USP42: variants seen among roughly 807,000 people sequenced by gnomAD.
The protein encoded by USP42 is ubiquitin specific peptidase 42.
In USP42, 23 loss-of-function variants were observed where a neutral mutation model predicts 113.0. That is an observed-to-expected ratio of 0.20 (90% CI 0.15 to 0.29). The LOEUF (loss-of-function observed/expected upper bound fraction) is 0.29, where lower values mean the gene tolerates loss of function less well. Ranked by LOEUF, USP42 falls within the 10% of genes least tolerant of loss-of-function variation. The pLI is 1.00. For synonymous variants in USP42, 933 were observed against 699.0 expected (o/e 1.33, Z -5.28); for missense variants, 2,174 against 1,779.8 (o/e 1.22, Z -3.99).
intron 3 of USP42, among the ~76,000 whole-genome samples, chr7:6,124,606 C>T (rs2128489705): frequency 6.6e-6 from 1 of 152,232 alleles, no homozygotes; most frequent in South Asian, 2.1e-4. Flanking sequence ...TTTGATCTTG[C>T]TTTTTATCCA....
the USP42 span, among the ~76,000 whole-genome samples, chr7:6,099,060 A>T: frequency 2.9e-4 from 44 of 149,728 alleles, no homozygotes. Context: ...ACCTTTTCTA[A>T]TGTTCTGCTC....
intron 3 of USP42, among the ~76,000 whole-genome samples, chr7:6,125,746 CCTTA>C (rs945792170): frequency 1.3e-4 from 20 of 150,826 alleles, no homozygotes; most frequent in East Asian, 1.9e-4. Context: ...TGGTATTTTT[CCTTA>C]CTTTTGTTTT....
At chr7:6,118,979 C>G (rs926516218) in intron 3 of USP42, among the ~76,000 whole-genome samples, 19 of 151,826 alleles carry the variant, frequency 1.3e-4, no homozygotes, top group African/African-American at 4.6e-4. Context: ...TTTTGGGAGG[C>G]TGAGGCAGGA....
At position 6,150,035 on chromosome 7, in the gene USP42, G is replaced by A. The variant is rs1781948617; in HGVS notation, c.1839G>A (p.Glu613=). The A allele has an allele frequency of 2.5e-6, 4 of 1,611,620 alleles. No homozygotes were observed. Among genetic ancestry groups the A allele is most frequent in the African/African-American group, 2.7e-5 (2 of 75,010 alleles). ...VLVPYGAESS[E]DSDEESKGLG... ...TGCCCTATGGCGCCGAGTCCTCTGA[G>A]GACTCTGACGAGGAGTCAAAGGGGC... Residue 613 remains glutamate (E), a synonymous_variant, in exon 13 of 18, where the codon GAG becomes GAA. Coordinates refer to ENST00000306177, the MANE Select transcript of USP42 (RefSeq NM_032172.3).
chr7:6,109,848 G>C (rs1173174567), intron 1 of USP42, among the ~76,000 whole-genome samples: 1 of 151,750 alleles, frequency 6.6e-6, no homozygotes, highest in Non-Finnish European at 1.5e-5. Context: ...TTACAGGTAC[G>C]TGCCACCACG....
chr7:6,159,205 C>T lies in USP42; in HGVS notation c.3944-245C>T, dbSNP rs79774780. Among the ~76,000 whole-genome samples the T allele has an allele frequency of 1.3e-5, 2 of 152,318 alleles. No homozygotes were observed. Among genetic ancestry groups the T allele is most frequent in the African/African-American group, 4.8e-5 (2 of 41,576 alleles). ...TTCTTGGGCCTGATATCTGTTCTAA[C>T]ATCAGGCTGCGTGTGGGTTGGATGG... is the stretch of plus-strand genomic sequence containing the variant. On this transcript the variant is annotated intron_variant, in intron 16 of 17. Coordinates refer to ENST00000306177, the MANE Select transcript of USP42 (RefSeq NM_032172.3). The surrounding 1 kb of genome is among the most constrained non-coding windows in gnomAD (Gnocchi z 4.1).
At chr7:6,128,828 T>G (rs1373165605) in intron 3 of USP42, among the ~76,000 whole-genome samples, 2 of 134,458 alleles carry the variant, frequency 1.5e-5, no homozygotes, top group South Asian at 2.3e-4. Flanking sequence ...CTTTCTTTTT[T>G]GGGGGTGGGT....
At chr7:6,082,195 C>T in the USP42 span, among the ~76,000 whole-genome samples, 6 of 151,126 alleles carry the variant, frequency 4.0e-5, no homozygotes, top group African/African-American at 9.8e-5. Flanking sequence ...GTGGCGCGAT[C>T]TCGGCTCACT....
intron 3 of USP42, among the ~76,000 whole-genome samples, chr7:6,132,184 C>T (rs1028363842): frequency 4.6e-5 from 7 of 151,936 alleles, no homozygotes; most frequent in Admixed American, 3.3e-4. Context: ...CCTTGGCTTC[C>T]CAAAGTGCTG....
chr7:6,153,787 G>A lies in USP42; in HGVS notation c.2233G>A (p.Asp745Asn). The change falls in exon 15 of 18, where the codon GAC becomes AAC. Residue 745 changes from aspartate to asparagine, a missense_variant. By Grantham distance (23) the Asp-to-Asn change is conservative. Coordinates refer to ENST00000306177, the MANE Select transcript of USP42 (RefSeq NM_032172.3). ...APGAERGPPE[D>N]RDAEPQPGSP... ...TGGAGCAGAGAGGGGCCCTCCCGAG[G>A]ACCGCGACGCCGAGCCTCAGCCTGG... The A allele has an allele frequency of 6.7e-7, 1 of 1,495,698 alleles. No individual in the cohort carries two copies. The highest frequency in any genetic ancestry group is 8.9e-7 in the Non-Finnish European group (1 of 1,121,484). The allele number at this position is 1,495,698 out of a possible 1,614,324, so 92.7% of individuals were successfully genotyped here. A position where few individuals can be genotyped will look rare whatever the true frequency, so the allele number is the denominator to read the frequency against.
rs1360220517 is a variant in USP42 at position 6,140,303 on chromosome 7, C to T, written c.724+108C>T. On this transcript the variant is annotated intron_variant, in intron 6 of 17. Coordinates refer to ENST00000306177, the MANE Select transcript of USP42 (RefSeq NM_032172.3). Reference sequence around the variant, plus strand: ...AGGAAGGAAGGAAAAGTGCTTCTCTCCAGCCCAGATTCTCATTCCTTTTAC... The same window carrying T: ...AGGAAGGAAGGAAAAGTGCTTCTCTTCAGCCCAGATTCTCATTCCTTTTAC... 3 of 993,128 alleles carry T rather than the reference C, an allele frequency of 3.0e-6. No individual in the cohort carries two copies. The African/African-American group carries it at 4.9e-5, about 16-fold the overall frequency. The allele number at this position is 993,128 out of a possible 1,614,324, so 61.5% of individuals were successfully genotyped here. A position where few individuals can be genotyped will look rare whatever the true frequency, so the allele number is the denominator to read the frequency against.
the USP42 span, among the ~76,000 whole-genome samples, chr7:6,092,097 C>CTCT: frequency 1.1e-4 from 4 of 36,712 alleles, no homozygotes; most frequent in African/African-American, 3.2e-4. Context: ...CTTCTTCTTC[C>CTCT]TCCTCTTCTT....
chr7:6,085,807 A>G, the USP42 span, among the ~76,000 whole-genome samples: 1 of 149,718 alleles, frequency 6.7e-6, no homozygotes, highest in Non-Finnish European at 1.5e-5. Context: ...TAGAGACGGG[A>G]TCTCACCATG....
rs1782653881 is a variant in USP42 at position 6,159,544 on chromosome 7, G to C, written c.*36+51G>C. ...TCATTGTTTGTGGTGGCGCTGAGGG[G>C]ACGCAGGCAGAGGAGTTTTAATTCT... On this transcript the variant is annotated intron_variant, in intron 17 of 17. Coordinates refer to ENST00000306177, the MANE Select transcript of USP42 (RefSeq NM_032172.3). This position sits in a 1 kb window ranked among gnomAD's most constrained non-coding sequence, Gnocchi z 4.1. 6.4e-7 allele frequency: 1 copy of C among 1,551,866 alleles called. No homozygotes were observed. Among genetic ancestry groups the C allele is most frequent in the Non-Finnish European group, 8.9e-7 (1 of 1,125,482 alleles).
chr7:6,085,911 C>T, the USP42 span, among the ~76,000 whole-genome samples: 12 of 151,080 alleles, frequency 7.9e-5, no homozygotes, highest in Admixed American at 4.6e-4. Flanking sequence ...CCGTGCCCAG[C>T]CTATTAGTCT....
At chr7:6,107,303 C>T (rs1412879003) in intron 1 of USP42, among the ~76,000 whole-genome samples, 1 of 152,012 alleles carries the variant, frequency 6.6e-6, no homozygotes, top group African/African-American at 2.4e-5. Context: ...ATGTTTATCC[C>T]CTGAAAATTA....
At chr7:6,133,596 C>T (rs1324121031) in intron 3 of USP42, among the ~76,000 whole-genome samples, 1 of 150,678 alleles carries the variant, frequency 6.6e-6, no homozygotes. Context: ...CTTACTGCAG[C>T]CTCCAACTGC....
chr7:6,145,178 C>T (rs1034942294), intron 9 of USP42, among the ~76,000 whole-genome samples: 1 of 151,748 alleles, frequency 6.6e-6, no homozygotes, highest in African/African-American at 2.4e-5. Flanking sequence ...ACTAAAAATA[C>T]AAAAATTAGC....
chr7:6,133,694 A>G (rs1780974255), intron 3 of USP42, among the ~76,000 whole-genome samples: 1 of 151,620 alleles, frequency 6.6e-6, no homozygotes, highest in South Asian at 2.1e-4. Context: ...TAATTTTTGT[A>G]TTTTTAGTAG....
Sources: gnomAD v4.1 joint callset for allele counts (sites outside exome capture counted in the v4.1 genomes callset) on GRCh38, gnomAD v4.1.1 for gene constraint, Gnocchi (gnomAD v3.1) non-coding constraint, MANE v1.5 for transcripts, NCBI Gene and HGNC (gene_info 2026-07-23, HGNC 2026-07-21) for gene names.